Variants in KHNYN observed in about 807,000 individuals in gnomAD.
KHNYN encodes the protein protein KHNYN.
In KHNYN, 42 loss-of-function variants were observed where a neutral mutation model predicts 62.7. The ratio of observed to expected loss-of-function variants is 0.67; its 90% CI spans 0.52 to 0.87. The LOEUF is 0.87. KHNYN is among the 40% of genes least tolerant of loss of function. KHNYN has a pLI of 0.00. For missense variants in KHNYN, 829 were observed against 874.1 expected (o/e 0.95, Z 0.65); for synonymous variants, 347 against 345.6 (o/e 1.00, Z -0.04).
chr14:24,432,496 GCA>G lies in KHNYN; in HGVS notation c.1240_1241del (p.Gln414AlafsTer29). 1 of 1,613,758 alleles carries G rather than the reference GCA, an allele frequency of 6.2e-7. No homozygotes were observed. The highest frequency in any genetic ancestry group is 8.5e-7 in the Non-Finnish European group (1 of 1,179,948). On this transcript the variant is annotated frameshift_variant, in exon 3 of 8. Coordinates refer to ENST00000553935, the MANE Select transcript of KHNYN (RefSeq NM_015299.3). LOFTEE classifies it high-confidence loss of function. This position sits in a 1 kb window ranked among gnomAD's most constrained non-coding sequence, Gnocchi z 5.6. ...GCCCGAGGGGGCAACTTGGTGACTG[GCA>G]CACAGCGTTTCAAGGAGGCCCTGCA...
upstream of KHNYN, among the ~76,000 whole-genome samples, chr14:24,426,219 T>G (rs2043018854): frequency 6.6e-6 from 1 of 152,242 alleles, no homozygotes; most frequent in Non-Finnish European, 1.5e-5. Context: ...AGTGGGAGCT[T>G]CTTTAAATTG....
rs760530291 is a variant in KHNYN at position 24,437,146 on chromosome 14, G to A, written c.1898G>A (p.Arg633Gln). Residue 633 changes from arginine (R) to glutamine (Q), a missense_variant, in exon 8 of 8, where the codon CGG (arginine) becomes CAG (glutamine). Physicochemically the swap from Arg to Gln is conservative, Grantham distance 43. Transcript: ENST00000553935. This position sits in a 1 kb window ranked among gnomAD's most constrained non-coding sequence, Gnocchi z 5.5. ...GGTAGTGGTGGCATTCGGAAGACCC[G>A]GGAAACAGAGCGGCTCCGGCGGCAG... The part of the protein sequence containing the change: ...EKGSGGIRKT[R>Q]ETERLRRQLL... 1.1e-5 allele frequency: 17 copies of A among 1,614,074 alleles called. No individual in the cohort carries two copies. The highest frequency in any genetic ancestry group is 1.6e-4 in the Middle Eastern group (1 of 6,084).
In KHNYN at chr14:24,432,103, G is replaced by A; in HGVS notation, c.842G>A (p.Trp281Ter). 2.6e-6 allele frequency: 4 copies of A among 1,556,708 alleles called. No homozygotes were observed. Among genetic ancestry groups the A allele is most frequent in the Non-Finnish European group, 3.5e-6 (4 of 1,150,376 alleles). Residue 281 changes from tryptophan (W) to a stop codon, truncating the protein, a stop_gained, in exon 3 of 8, where the codon TGG becomes TAG. Coordinates refer to ENST00000553935, the MANE Select transcript of KHNYN (RefSeq NM_015299.3). LOFTEE classifies it high-confidence loss of function. This position sits in a 1 kb window ranked among gnomAD's most constrained non-coding sequence, Gnocchi z 5.6. ...GWKELPGEEA[W>*]EREVALRPQS... ...AAGGAGTTGCCTGGGGAAGAGGCGT[G>A]GGAGAGAGAAGTGGCCCTCAGGCCA...
chr14:24,430,223 G>A, intron 1 of KHNYN, 104 bp downstream of exon 1: 1 of 874,446 alleles, frequency 1.1e-6, no homozygotes, highest in Non-Finnish European at 1.4e-6. Flanking sequence ...GGCGGGCCCG[G>A]CCCGGCCCGG....
Position 24,440,575 on chromosome 14 carries a change from C to T in KHNYN, c.*3290C>T, listed in dbSNP as rs1456340861. 3 of 1,481,016 alleles carry T rather than the reference C, an allele frequency of 2.0e-6. No individual in the cohort carries two copies. The highest frequency in any genetic ancestry group is 2.0e-5 in the Admixed American group (1 of 50,170). 91.7% of individuals were successfully genotyped at this position (1,481,016 alleles called of 1,614,324 possible). On this transcript the variant is annotated 3_prime_UTR_variant, in exon 8 of 8. Coordinates refer to ENST00000553935, the MANE Select transcript of KHNYN (RefSeq NM_015299.3). ...CTCCTCCTGGTTTCTGTTTCCCCTT[C>T]CTCACTCTCCCCATGCTGACTTGGC...
At chr14:24,436,217 C>G (rs2043201952) in intron 6 of KHNYN, 38 bp downstream of exon 6, 1 of 1,562,198 alleles carries the variant, frequency 6.4e-7, no homozygotes, top group Admixed American at 1.7e-5. Context: ...GGCACAGATG[C>G]AGATGTTTTT....
In KHNYN at chr14:24,431,487, C is replaced by T. The variant is rs775125146; in HGVS notation, c.226C>T (p.Pro76Ser). Residue 76 changes from proline (P) to serine (S), a missense_variant, in exon 3 of 8, where the codon CCA (proline) becomes TCA (serine). Physicochemically the swap from Pro to Ser is moderately conservative, Grantham distance 74. Transcript: ENST00000553935. ...GGAGTACCTGAAGGGCCTCTGCAGC[C>T]CAGAACTGCAGGATGAAATCCACTA... ...AKEYLKGLCS[P>S]ELQDEIHYPP... 1.3e-6 allele frequency: 2 copies of T among 1,588,178 alleles called. No homozygotes were observed. The highest frequency in any genetic ancestry group is 1.3e-5 in the African/African-American group (1 of 74,482).
chr14:24,428,711 T>G (rs1408795106), upstream of KHNYN: 2 of 1,529,858 alleles, frequency 1.3e-6, no homozygotes, highest in Admixed American at 4.1e-5. Context: ...TCCAGGTCCT[T>G]GCAGGGTCTT....
chr14:24,435,111 A>AG (rs143786898), intron 5 of KHNYN, among the ~76,000 whole-genome samples: 9,523 of 152,290 alleles, frequency 0.063, 1,038 homozygotes, highest in African/African-American at 0.22. Context: ...GAATTACTGA[A>AG]TGGAGCCCAG....
At chr14:24,429,026 G>C (rs1337662252), upstream of KHNYN, 7 of 1,523,608 alleles carry the variant, frequency 4.6e-6, no homozygotes, top group Non-Finnish European at 5.3e-6. Context: ...TAGGGGACCT[G>C]GTAGCCAGTG....
rs980614325 is a variant in KHNYN at position 24,437,226 on chromosome 14, G to A, written c.1978G>A (p.Glu660Lys). 3 of 1,614,074 alleles carry A rather than the reference G, an allele frequency of 1.9e-6. No homozygotes were observed. Among genetic ancestry groups the A allele is most frequent in the African/African-American group, 2.7e-5 (2 of 74,916 alleles). Residue 660 changes from glutamate to lysine, a missense_variant, in exon 8 of 8, where the codon GAG becomes AAG. Coordinates refer to ENST00000553935, the MANE Select transcript of KHNYN (RefSeq NM_015299.3). The surrounding 1 kb of genome is among the most constrained non-coding windows in gnomAD (Gnocchi z 5.5). ...CAAAGTGGACTTCATCCTGCAGCGG[G>A]AGCCATACTGCCGGGACATCAACCA... is the stretch of plus-strand genomic sequence containing the variant. ...DHKVDFILQR[E>K]PYCRDINQLS...
rs2043335650 is a variant in KHNYN at position 24,441,417 on chromosome 14, A to G, written c.*4132A>G. ...CCAGGAACTCTGTTCCTAAAGAACT[A>G]TGGTGTGAGAAGTAAGGGACTTTGG... On this transcript the variant is annotated 3_prime_UTR_variant, in exon 8 of 8. Coordinates refer to ENST00000553935, the MANE Select transcript of KHNYN (RefSeq NM_015299.3). 1 of 499,688 alleles carries G rather than the reference A, an allele frequency of 2.0e-6. No individual in the cohort carries two copies. The allele number at this position is 499,688 out of a possible 1,614,324, so 31.0% of individuals were successfully genotyped here.
chr14:24,437,191 G>A lies in KHNYN; in HGVS notation c.1943G>A (p.Gly648Asp), dbSNP rs2043219982. The A allele has an allele frequency of 8.7e-6, 14 of 1,614,066 alleles. No homozygotes were observed. Among genetic ancestry groups the A allele is most frequent in the Non-Finnish European group, 1.1e-5 (13 of 1,180,032 alleles). ...CGGCAGCTGCTGGAGGTGTTTTGGGGTCAGGATCACAAAGTGGACTTCATC... is the reference window on the plus strand; with the variant it reads ...CGGCAGCTGCTGGAGGTGTTTTGGGATCAGGATCACAAAGTGGACTTCATC... Reference protein sequence around the residue: ...LRRQLLEVFWGQDHKVDFILQ... With the variant: ...LRRQLLEVFWDQDHKVDFILQ... Residue 648 changes from glycine (G) to aspartate (D), a missense_variant, in exon 8 of 8, where the codon GGT becomes GAT. Gly to Asp is a moderately conservative substitution (Grantham distance 94). Transcript: ENST00000553935. This position sits in a 1 kb window ranked among gnomAD's most constrained non-coding sequence, Gnocchi z 5.5.
rs747935790 is a variant in KHNYN, at chr14:24,441,633, C to T, written c.*4348C>T. 5 of 1,534,784 alleles carry T rather than the reference C, an allele frequency of 3.3e-6. No homozygotes were observed. Among genetic ancestry groups the T allele is most frequent in the Non-Finnish European group, 4.4e-6 (5 of 1,136,006 alleles). ...CTACAGAGGTCTGAGTTACCCCGTT[C>T]CCCTGGCGAATATAAGGGGCTGGTG... On this transcript the variant is annotated 3_prime_UTR_variant, in exon 8 of 8. Coordinates refer to ENST00000553935, the MANE Select transcript of KHNYN (RefSeq NM_015299.3).
upstream of KHNYN, chr14:24,429,831 G>A (rs896319641): frequency 2.8e-6 from 3 of 1,064,176 alleles, no homozygotes; most frequent in African/African-American, 5.2e-5. Context: ...TGGAGCCGCC[G>A]AGGGGACTAG....
chr14:24,428,374 C>G (rs757183255), upstream of KHNYN: 22 of 1,613,830 alleles, frequency 1.4e-5, no homozygotes, highest in African/African-American at 2.7e-5. Flanking sequence ...GCCAGAGGCC[C>G]GGTCAAAGCC....
Position 24,431,989 on chromosome 14 carries a change from G to A in KHNYN, c.728G>A (p.Gly243Glu), listed in dbSNP as rs760450025. ...ESLDTGSMGP[G>E]DCRGARGDTY... ...CTGGACACTGGATCTATGGGACCCGGAGATTGCAGGGGAGCAAGGGGAGAC... is the reference window on the plus strand; with the variant it reads ...CTGGACACTGGATCTATGGGACCCGAAGATTGCAGGGGAGCAAGGGGAGAC... The change falls in exon 3 of 8, where the codon GGA (glycine) becomes GAA (glutamate). Residue 243 changes from glycine (G) to glutamate (E), a missense_variant. Transcript: ENST00000553935. 6.2e-7 allele frequency: 1 copy of A among 1,611,984 alleles called. No individual in the cohort carries two copies. The highest frequency in any genetic ancestry group is 1.1e-5 in the South Asian group (1 of 90,936).
Position 24,439,106 on chromosome 14 carries a change from G to C in KHNYN, c.*1821G>C. On this transcript the variant is annotated 3_prime_UTR_variant, in exon 8 of 8. Transcript: ENST00000553935. The stretch of plus-strand genomic sequence containing the variant: ...TTAGTATGGCCTGAACTGGTGGCTG[G>C]GGGAACTGTGTCTGGTCAAGTTATG... 1 of 152,238 alleles carries C rather than the reference G, an allele frequency of 6.6e-6. No individual in the cohort carries two copies. Among genetic ancestry groups the C allele is most frequent in the East Asian group, 1.9e-4 (1 of 5,202 alleles). The allele number at this position is 152,238 out of a possible 1,614,324, so 9.4% of individuals were successfully genotyped here. A position where few individuals can be genotyped will look rare whatever the true frequency, so the allele number is the denominator to read the frequency against.
intron 5 of KHNYN, 76 bp downstream of exon 5, chr14:24,433,108 C>T (rs1290541143): frequency 4.4e-6 from 6 of 1,360,504 alleles, no homozygotes; most frequent in Middle Eastern, 2.3e-4. Context: ...AGAAAAGCTC[C>T]TGGTGGTTTA....
Sources: allele counts gnomAD v4.1 joint callset (sites outside exome capture counted in the v4.1 genomes callset), GRCh38; gene constraint gnomAD v4.1.1; non-coding constraint Gnocchi (gnomAD v3.1); transcripts MANE v1.5; gene names NCBI Gene and HGNC (gene_info 2026-07-23, HGNC 2026-07-21).